Variants in PPP4R4 observed in about 807,000 individuals in gnomAD.
PPP4R4 encodes protein phosphatase 4 regulatory subunit 4.
A neutral mutation model predicts 121.8 loss-of-function variants in PPP4R4; 70 were observed. That is an observed-to-expected ratio of 0.57 (90% confidence interval 0.47 to 0.70). The LOEUF (loss-of-function observed/expected upper bound fraction) is 0.70. Ranked by LOEUF, PPP4R4 falls within the 30% of genes least tolerant of loss-of-function variation. The probability of loss-of-function intolerance (pLI) is 0.00; values close to 1 mark genes in which losing one functional copy is unlikely to be tolerated. For missense variants in PPP4R4, 875 were observed against 1,033.6 expected (o/e 0.85, Z 2.10); for synonymous variants, 348 against 355.7 (o/e 0.98, Z 0.24).
chr14:94,234,529 T>C, intron 6 of PPP4R4, 33 bp from the exon 7 acceptor site: 1 of 1,280,320 alleles, frequency 7.8e-7, no homozygotes, highest in Non-Finnish European at 1.1e-6. Context: ...AAACACTCAT[T>C]CATTTGCATG....
intron 3 of PPP4R4, among the ~76,000 whole-genome samples, chr14:94,224,864 A>G (rs1891609261): frequency 6.6e-6 from 1 of 152,206 alleles, no homozygotes; most frequent in South Asian, 2.1e-4. Flanking sequence ...CTGCTATTGG[A>G]AACATAATTT....
intron 19 of PPP4R4, among the ~76,000 whole-genome samples, chr14:94,262,612 C>G (rs1008257520): frequency 2.0e-5 from 3 of 152,092 alleles, no homozygotes; most frequent in Middle Eastern, 3.4e-3. Flanking sequence ...AAGACCCCAC[C>G]AGTGTTGTAA....
chr14:94,195,300 C>T (rs1178237885), intron 2 of PPP4R4, among the ~76,000 whole-genome samples: 1 of 152,212 alleles, frequency 6.6e-6, no homozygotes, highest in African/African-American at 2.4e-5. Context: ...ACAAGACCAA[C>T]TGAACCAGAA....
rs1336627231 is a variant in PPP4R4 at position 94,174,429 on chromosome 14, C to T, written c.-37C>T. The T allele has an allele frequency of 6.6e-7, 1 of 1,505,296 alleles. No homozygotes were observed. The highest frequency in any genetic ancestry group is 8.9e-7 in the Non-Finnish European group (1 of 1,127,238). 93.2% of individuals were successfully genotyped at this position (1,505,296 alleles called of 1,614,324 possible). The stretch of plus-strand genomic sequence containing the variant: ...GCTGAGGGCGTCCGGCATCCCGGGG[C>T]CGCTCCGGCCCGGGCGGCGAGAGTG... On this transcript the variant is annotated 5_prime_UTR_variant, in exon 1 of 25. Transcript: ENST00000304338.
rs534065280 is a variant in PPP4R4 at position 94,234,362 on chromosome 14, CTG to C, written c.624-195_624-194del. Among the ~76,000 whole-genome samples the C allele has an allele frequency of 3.0e-3, 464 of 152,202 alleles. 2 individuals are homozygous for C. The highest frequency in any genetic ancestry group is 0.011 in the African/African-American group (448 of 41,528). On this transcript the variant is annotated intron_variant, in intron 6 of 24. Coordinates refer to ENST00000304338, the MANE Select transcript of PPP4R4 (RefSeq NM_058237.2). Reference sequence around the variant, plus strand: ...AAAATTAACCATTATTTTAAAAAGACTGTGTGATATACATAATTTACAAGTAG... The same window carrying C: ...AAAATTAACCATTATTTTAAAAAGACTGTGATATACATAATTTACAAGTAG...
intron 22 of PPP4R4, 138 bp downstream of exon 22, chr14:94,266,025 C>T (rs1894035685): frequency 1.8e-6 from 1 of 560,728 alleles, no homozygotes; most frequent in Non-Finnish European, 3.0e-6. Context: ...GAGTGTTCTT[C>T]TGTAGGGATT....
At chr14:94,235,634 C>T (rs951999891) in intron 7 of PPP4R4, among the ~76,000 whole-genome samples, 10 of 151,068 alleles carry the variant, frequency 6.6e-5, no homozygotes, top group Non-Finnish European at 4.4e-5. Context: ...CTCCTGACCT[C>T]GTGATCCGCC....
At chr14:94,185,927 C>T (rs1251683662) in intron 2 of PPP4R4, among the ~76,000 whole-genome samples, 1 of 152,172 alleles carries the variant, frequency 6.6e-6, no homozygotes, top group Non-Finnish European at 1.5e-5. Context: ...CCACAAAAGC[C>T]ACTGGTATCT....
chr14:94,256,686 G>A (rs1274419030), intron 17 of PPP4R4, 82 bp downstream of exon 17: 2 of 1,290,366 alleles, frequency 1.5e-6, no homozygotes, highest in Non-Finnish European at 2.1e-6. Flanking sequence ...AGCTTGACAG[G>A]ATAGCAATAT....
chr14:94,174,689 C>A, intron 1 of PPP4R4, 107 bp downstream of exon 1: 11 of 1,475,930 alleles, frequency 7.5e-6, no homozygotes, highest in Non-Finnish European at 9.9e-6. Context: ...CTCCGGGCCG[C>A]CGGGACCCTC....
chr14:94,250,457 A>G (rs1266245933), intron 15 of PPP4R4, among the ~76,000 whole-genome samples, 180 bp downstream of exon 15: 1 of 152,000 alleles, frequency 6.6e-6, no homozygotes, highest in Non-Finnish European at 1.5e-5. Flanking sequence ...AATGAAAGTA[A>G]TAATTACTCT....
chr14:94,189,043 A>G (rs1889452111), intron 2 of PPP4R4, among the ~76,000 whole-genome samples: 1 of 152,192 alleles, frequency 6.6e-6, no homozygotes, highest in South Asian at 2.1e-4. Flanking sequence ...CATAAGAGAA[A>G]TCAGGGAGAA....
chr14:94,252,006 T>A, intron 16 of PPP4R4, 110 bp downstream of exon 16: 1 of 924,228 alleles, frequency 1.1e-6, no homozygotes, highest in Non-Finnish European at 1.6e-6. Flanking sequence ...GTCAAGAATT[T>A]ACACGTGCTT....
intron 3 of PPP4R4, among the ~76,000 whole-genome samples, chr14:94,228,835 A>G (rs892802926): frequency 6.6e-6 from 1 of 152,118 alleles, no homozygotes; most frequent in African/African-American, 2.4e-5. Context: ...ACAAATAAAT[A>G]TGTTGTGTAT....
At chr14:94,227,287 T>A (rs1312824048) in intron 3 of PPP4R4, 1 of 1,607,898 alleles carries the variant, frequency 6.2e-7, no homozygotes, top group Non-Finnish European at 8.5e-7. Context: ...TCTTCCAAGG[T>A]CCATGAGGAT....
chr14:94,220,725 G>A (rs1891341105), intron 3 of PPP4R4, among the ~76,000 whole-genome samples: 1 of 152,148 alleles, frequency 6.6e-6, no homozygotes, highest in East Asian at 1.9e-4. Flanking sequence ...ACATTTCTGA[G>A]AGGAAATAAT....
rs778206151 is a variant in PPP4R4 at position 94,231,327 on chromosome 14, A to G, written c.516+12A>G. 1.0e-5 allele frequency: 16 copies of G among 1,583,450 alleles called. No individual in the cohort carries two copies. Among genetic ancestry groups the G allele is most frequent in the Admixed American group, 1.7e-5 (1 of 59,718 alleles). On this transcript the variant is annotated intron_variant, in intron 5 of 24. Coordinates refer to ENST00000304338, the MANE Select transcript of PPP4R4 (RefSeq NM_058237.2). ...CCCTACGGCATGAGGTAATACTTTCATGGGGGCAAATACTAATAAGTAAGT... is the reference window on the plus strand; with the variant it reads ...CCCTACGGCATGAGGTAATACTTTCGTGGGGGCAAATACTAATAAGTAAGT...
intron 2 of PPP4R4, among the ~76,000 whole-genome samples, chr14:94,191,541 T>G (rs1889599773): frequency 6.6e-6 from 1 of 152,128 alleles, no homozygotes. Flanking sequence ...AAATATACAC[T>G]AAATTGTTGT....
At chr14:94,186,969 A>T (rs1250463416) in intron 2 of PPP4R4, among the ~76,000 whole-genome samples, 1 of 152,192 alleles carries the variant, frequency 6.6e-6, no homozygotes, top group East Asian at 1.9e-4. Flanking sequence ...TAGGATTATT[A>T]TGTTTTCTTG....
Sources: gnomAD v4.1 joint callset for allele counts (sites outside exome capture counted in the v4.1 genomes callset) on GRCh38, gnomAD v4.1.1 for gene constraint, MANE v1.5 for transcripts, NCBI Gene and HGNC (gene_info 2026-07-23, HGNC 2026-07-21) for gene names.